SLC25A23: variants seen among roughly 807,000 people sequenced by gnomAD.
SLC25A23 encodes solute carrier family 25 member 23, also known as mitochondrial adenyl nucleotide antiporter SLC25A23.
SLC25A23 carries 32 observed loss-of-function variants against 53.9 expected under a neutral mutation model. The ratio of observed to expected loss-of-function variants is 0.59; its 90% CI spans 0.45 to 0.80. The LOEUF (loss-of-function observed/expected upper bound fraction) is 0.80, where lower values mean the gene tolerates loss of function less well. Among genes scored for constraint, SLC25A23 ranks in the 30% least tolerant of loss-of-function variants. The pLI is 0.00. For missense variants in SLC25A23, 575 were observed against 651.4 expected (o/e 0.88, Z 1.28); for synonymous variants, 275 against 264.5 (o/e 1.04, Z -0.38).
At chr19:6,456,606 T>G in intron 3 of SLC25A23, 75 bp from the exon 4 acceptor site, 1 of 1,173,786 alleles carries the variant, frequency 8.5e-7, no homozygotes, top group Non-Finnish European at 1.3e-6. Flanking sequence ...GAAGTTCTGC[T>G]AGGTTTTGCA....
At chr19:6,438,860 A>G (rs113097562), downstream of SLC25A23, 230 of 181,882 alleles carry the variant, frequency 1.3e-3, 1 homozygote, top group African/African-American at 5.2e-3. Context: ...CAAAAAAAAC[A>G]AAAACAAAAA....
In SLC25A23 at chr19:6,444,626, G is replaced by A. The variant is rs550094954; in HGVS notation, c.1072-325C>T. Among the ~76,000 whole-genome samples the A allele has an allele frequency of 2.0e-5, 3 of 152,236 alleles. No homozygotes were observed. The South Asian group carries it at 6.2e-4, about 32-fold the overall frequency. ...GATGAGATTATTTTGGATTATCTGA[G>A]TGGCCCAATGCCATCACAAGGGTCC... On this transcript the variant is annotated intron_variant, in intron 8 of 9. Coordinates refer to ENST00000301454, the MANE Select transcript of SLC25A23 (RefSeq NM_024103.3).
downstream of SLC25A23, among the ~76,000 whole-genome samples, chr19:6,439,566 C>T (rs1039792524): frequency 1.3e-5 from 2 of 150,686 alleles, no homozygotes; most frequent in Non-Finnish European, 3.0e-5. Flanking sequence ...TGGTGGCTCA[C>T]GCCTGTAATC....
chr19:6,445,968 T>TC lies in SLC25A23; in HGVS notation c.1072-1668dup, dbSNP rs1394698632. Among the ~76,000 whole-genome samples the TC allele has an allele frequency of 1.2e-4, 19 of 152,042 alleles. No homozygotes were observed. The East Asian group carries it at 2.9e-3, about 23-fold the overall frequency. On this transcript the variant is annotated intron_variant, in intron 8 of 9. Transcript: ENST00000301454. ...GGTGCATGCCTGTGGTCCCAGCTAC[T>TC]CAAGAGGCTGAAGTGGGAGGATTGC...
At position 6,456,414 on chromosome 19, in the gene SLC25A23, C is replaced by A; in HGVS notation, c.483+6G>T. 1 of 1,613,456 alleles carries A rather than the reference C, an allele frequency of 6.2e-7. No homozygotes were observed. On this transcript the variant is annotated splice_donor_region_variant and intron_variant, in intron 4 of 9. Transcript: ENST00000301454. Reference sequence around the variant, plus strand: ...CTTCAGCTGGGGAAAGCCACCCCCACCTCACCGTGGAATGCTTCCAGAAAT... The same window carrying A: ...CTTCAGCTGGGGAAAGCCACCCCCAACTCACCGTGGAATGCTTCCAGAAAT...
intron 4 of SLC25A23, 159 bp downstream of exon 4, chr19:6,456,261 A>G: frequency 1.1e-6 from 1 of 922,138 alleles, no homozygotes; most frequent in Non-Finnish European, 1.6e-6. Context: ...CCCTAAGTGG[A>G]GGAAGAGAGG....
intron 8 of SLC25A23, among the ~76,000 whole-genome samples, chr19:6,445,135 G>A (rs1443842689): frequency 2.0e-5 from 3 of 147,702 alleles, no homozygotes; most frequent in Non-Finnish European, 4.5e-5. Flanking sequence ...CAGAGACGGA[G>A]TTTCGTTCTC....
At chr19:6,457,728 A>C (rs11669819) in intron 2 of SLC25A23, 138 bp from the exon 3 acceptor site, 43,078 of 705,398 alleles carry the variant, frequency 0.061, 1,668 homozygotes, top group South Asian at 0.12. Flanking sequence ...GGAGGTTTGC[A>C]GTAGGGCTGT....
At chr19:6,437,766 G>A (rs372521488), downstream of SLC25A23, among the ~76,000 whole-genome samples, 1,529 of 148,458 alleles carry the variant, frequency 0.01, 17 homozygotes, top group South Asian at 0.035. Context: ...CCAAGATCGC[G>A]CCAGTGCACT....
rs576416996 is a variant in SLC25A23 at position 6,457,603 on chromosome 19, C to G, written c.284-13G>C. The G allele has an allele frequency of 2.3e-5, 37 of 1,612,334 alleles. No individual in the cohort carries two copies. The highest frequency in any genetic ancestry group is 1.3e-4 in the Admixed American group (8 of 59,934). On this transcript the variant is annotated splice_polypyrimidine_tract_variant and intron_variant, in intron 2 of 9. Transcript: ENST00000301454. The stretch of plus-strand genomic sequence containing the variant: ...ACATCAATGTGACCTGGGGAGGGGG[C>G]CGGAGGTGGGGAAGGATGTGCGTGT...
rs769758582 is a variant in SLC25A23 at position 6,452,359 on chromosome 19, C to T, written c.1024G>A (p.Val342Met). 38 of 1,613,558 alleles carry T rather than the reference C, an allele frequency of 2.4e-5. No homozygotes were observed. The highest frequency in any genetic ancestry group is 1.6e-4 in the Middle Eastern group (1 of 6,080). ...CCCGCATAGGGGATGATGCCCAGCA[C>T]GTTGGGGAGGTAGCCGCGGTAGAAG... ...RAFYRGYLPN[V>M]LGIIPYAGID... The change falls in exon 8 of 10, where the codon GTG becomes ATG. Residue 342 changes from valine (V) to methionine (M), a missense_variant. Coordinates refer to ENST00000301454, the MANE Select transcript of SLC25A23 (RefSeq NM_024103.3).
chr19:6,452,074 T>A (rs78803389), intron 8 of SLC25A23, among the ~76,000 whole-genome samples: 6,910 of 152,174 alleles, frequency 0.045, 255 homozygotes, highest in African/African-American at 0.1. Context: ...GAGTGGTCCC[T>A]GACTTTCAGG....
chr19:6,438,509 A>T (rs2092363929), downstream of SLC25A23: 1 of 152,876 alleles, frequency 6.5e-6, no homozygotes, highest in Non-Finnish European at 1.5e-5. Context: ...CGAGTTCGAG[A>T]TGAGCCTGGG....
At chr19:6,451,751 A>G (rs1279041833) in intron 8 of SLC25A23, among the ~76,000 whole-genome samples, 1 of 151,770 alleles carries the variant, frequency 6.6e-6, no homozygotes, top group Non-Finnish European at 1.5e-5. Context: ...CCTGAAGATG[A>G]CATTGGCTTA....
intron 4 of SLC25A23, chr19:6,456,050 C>A (rs1398129327): frequency 1.6e-5 from 21 of 1,322,230 alleles, no homozygotes; most frequent in Non-Finnish European, 2.0e-5. Flanking sequence ...TTCTGTTCAG[C>A]CGTAGAATCT....
At position 6,442,066 on chromosome 19, in the gene SLC25A23, G is replaced by A. The variant is rs1044542052; in HGVS notation, c.1316C>T (p.Ala439Val). The change falls in exon 10 of 10, where the codon GCC (alanine) becomes GTC (valine). Residue 439 changes from alanine to valine, a missense_variant. Ala to Val is a moderately conservative substitution (Grantham distance 64, BLOSUM62 0). Coordinates refer to ENST00000301454, the MANE Select transcript of SLC25A23 (RefSeq NM_024103.3). ...TGGAATAACCTTCATGAAGTTGGGG[G>A]CGATCCCCCGGTAGAGGCCCCGCAT... ...EGMRGLYRGI[A>V]PNFMKVIPAV... is the part of the protein sequence containing the mutation. 3 of 1,613,558 alleles carry A rather than the reference G, an allele frequency of 1.9e-6. No individual in the cohort carries two copies. Among genetic ancestry groups the A allele is most frequent in the Non-Finnish European group, 2.5e-6 (3 of 1,179,760 alleles).
At chr19:6,450,940 T>C (rs955472244) in intron 8 of SLC25A23, among the ~76,000 whole-genome samples, 1 of 151,032 alleles carries the variant, frequency 6.6e-6, no homozygotes, top group Non-Finnish European at 1.5e-5. Flanking sequence ...TAGCCAGGCG[T>C]GGTGGCAGGC....
chr19:6,441,931 G>C lies in SLC25A23; in HGVS notation c.*44C>G, dbSNP rs759325932. 1.9e-6 allele frequency: 3 copies of C among 1,576,002 alleles called. No individual in the cohort carries two copies. The East Asian group carries it at 6.7e-5, about 35-fold the overall frequency. ...GTTGGATCATCAGTCTCCAGTGGCT[G>C]AGGTGTGGGGGGTGAGGGATTGGGG... On this transcript the variant is annotated 3_prime_UTR_variant, in exon 10 of 10. Transcript: ENST00000301454.
In SLC25A23 at chr19:6,441,654, A is replaced by G. The variant is rs1181142375; in HGVS notation, c.*321T>C. The G allele has an allele frequency of 8.1e-6, 3 of 372,234 alleles. No individual in the cohort carries two copies. Among genetic ancestry groups the G allele is most frequent in the Non-Finnish European group, 1.5e-5 (3 of 197,986 alleles). 23.1% of individuals were successfully genotyped at this position (372,234 alleles called of 1,614,324 possible). On this transcript the variant is annotated 3_prime_UTR_variant, in exon 10 of 10. Transcript: ENST00000301454. Reference sequence around the variant, plus strand: ...ATGGGGATTAAGGGCTGGGGTGTGGATAATCTTGAATCTTGTGGTTAGGGT... The same window carrying G: ...ATGGGGATTAAGGGCTGGGGTGTGGGTAATCTTGAATCTTGTGGTTAGGGT...
Sources: gnomAD v4.1 joint callset for allele counts (sites outside exome capture counted in the v4.1 genomes callset) on GRCh38, gnomAD v4.1.1 for gene constraint, MANE v1.5 for transcripts, NCBI Gene and HGNC (gene_info 2026-07-23, HGNC 2026-07-21) for gene names.